Variants in CNTN5 observed in about 807,000 individuals in gnomAD.
CNTN5 encodes contactin-5.
In CNTN5, 77 loss-of-function variants were observed where a neutral mutation model predicts 129.1. That is an observed-to-expected ratio of 0.60 (90% confidence interval 0.50 to 0.72). The LOEUF (loss-of-function observed/expected upper bound fraction) is 0.72, where lower values mean the gene tolerates loss of function less well. CNTN5 is among the 30% of genes least tolerant of loss of function. The pLI is 0.00. For missense variants in CNTN5, 1,478 were observed against 1,328.8 expected (o/e 1.11, Z -1.75); for synonymous variants, 509 against 465.6 (o/e 1.09, Z -1.20).
chr11:99,196,639 G>GT (rs768825687), intron 1 of CNTN5, among the ~76,000 whole-genome samples: 166 of 151,788 alleles, frequency 1.1e-3, no homozygotes, highest in Non-Finnish European at 1.5e-3. Flanking sequence ...TATATGCAGT[G>GT]TTTTTTTCCT....
chr11:99,952,705 T>C (rs1026148720), intron 7 of CNTN5, among the ~76,000 whole-genome samples: 10 of 152,152 alleles, frequency 6.6e-5, no homozygotes, highest in African/African-American at 2.4e-4. Flanking sequence ...ACAAAAGTTA[T>C]ATTTTCATAA....
chr11:99,973,418 T>C (rs1317281201), intron 8 of CNTN5, among the ~76,000 whole-genome samples: 1 of 152,184 alleles, frequency 6.6e-6, no homozygotes, highest in Non-Finnish European at 1.5e-5. Context: ...GTGATAGTTG[T>C]TCTTTCCACT....
chr11:99,844,000 C>T (rs1212778652), intron 4 of CNTN5, among the ~76,000 whole-genome samples: 1 of 152,204 alleles, frequency 6.6e-6, no homozygotes, highest in Non-Finnish European at 1.5e-5. Context: ...ATTTCTCCAG[C>T]TGACTTGGTC....
At chr11:100,036,627 A>C (rs1419304941) in intron 9 of CNTN5, among the ~76,000 whole-genome samples, 2 of 149,696 alleles carry the variant, frequency 1.3e-5, no homozygotes, top group African/African-American at 4.9e-5. Flanking sequence ...ATTTGTTTGT[A>C]TCCTCTTTTA....
At chr11:99,333,957 T>TTCTC (rs1262163854) in intron 2 of CNTN5, among the ~76,000 whole-genome samples, 2 of 147,880 alleles carry the variant, frequency 1.4e-5, no homozygotes, top group Non-Finnish European at 3.0e-5. Flanking sequence ...CTCATCAACT[T>TTCTC]TCTCTCTCTC....
intron 1 of CNTN5, among the ~76,000 whole-genome samples, chr11:99,068,688 T>C (rs551183216): frequency 1.3e-5 from 2 of 152,212 alleles, no homozygotes; most frequent in Admixed American, 6.5e-5. Flanking sequence ...TAATTTTGGC[T>C]AGAAGCTCAC....
chr11:100,015,183 A>C (rs2137538848), intron 9 of CNTN5, among the ~76,000 whole-genome samples: 1 of 152,290 alleles, frequency 6.6e-6, no homozygotes, highest in African/African-American at 2.4e-5. Context: ...AAAAACGTAT[A>C]AGCCTGAGAC....
At chr11:100,128,289 A>G (rs1946261719) in intron 13 of CNTN5, among the ~76,000 whole-genome samples, 1 of 152,082 alleles carries the variant, frequency 6.6e-6, no homozygotes, top group Non-Finnish European at 1.5e-5. Flanking sequence ...TGCTTAAGCC[A>G]GAGATTTAAC....
At chr11:100,272,285 C>T (rs1025949886) in intron 18 of CNTN5, among the ~76,000 whole-genome samples, 93 of 152,200 alleles carry the variant, frequency 6.1e-4, no homozygotes, top group African/African-American at 1.8e-3. Context: ...TCCTTTATGT[C>T]CCCCTACACA....
rs192092091 is a variant in CNTN5 at position 100,229,852 on chromosome 11, G to C, written c.2005+5040G>C. ...ACACAAACATCTTTGGAGCATAGAG[G>C]TTGCGTAGTTTTCCTTTTCCACCAT... On this transcript the variant is annotated intron_variant, in intron 16 of 24. Transcript: ENST00000524871. Among the ~76,000 whole-genome samples the C allele has an allele frequency of 1.8e-3, 268 of 152,248 alleles. 4 individuals carry two copies. Among genetic ancestry groups the C allele is most frequent in the African/African-American group, 6.2e-3 (257 of 41,548 alleles).
At chr11:99,269,339 T>C (rs1253262871) in intron 1 of CNTN5, among the ~76,000 whole-genome samples, 1 of 151,382 alleles carries the variant, frequency 6.6e-6, no homozygotes, top group African/African-American at 2.4e-5. Flanking sequence ...ATATTTTTAT[T>C]TGTTCCCTGA....
At chr11:100,128,246 T>G (rs1946260512) in intron 13 of CNTN5, among the ~76,000 whole-genome samples, 1 of 152,126 alleles carries the variant, frequency 6.6e-6, no homozygotes, top group Non-Finnish European at 1.5e-5. Context: ...CCTTTTTTCC[T>G]GTCTCAGTAA....
intron 16 of CNTN5, among the ~76,000 whole-genome samples, chr11:100,247,789 T>C (rs1459805781): frequency 9.4e-6 from 1 of 106,110 alleles, no homozygotes; most frequent in African/African-American, 2.7e-5. Context: ...AATATTATTT[T>C]TTATTGAAAT....
chr11:99,265,345 T>C (rs1161340268), intron 1 of CNTN5, among the ~76,000 whole-genome samples: 1 of 152,048 alleles, frequency 6.6e-6, no homozygotes, highest in East Asian at 1.9e-4. Context: ...AGATTTATCA[T>C]TGTTATCATT....
intron 4 of CNTN5, among the ~76,000 whole-genome samples, chr11:99,820,059 T>C (rs531258036): frequency 6.6e-5 from 10 of 152,304 alleles, no homozygotes; most frequent in Admixed American, 2.0e-4. Flanking sequence ...ACCTGTTTCT[T>C]GATGGTTTCA....
chr11:99,198,084 T>A (rs1858994172), intron 1 of CNTN5, among the ~76,000 whole-genome samples: 1 of 152,110 alleles, frequency 6.6e-6, no homozygotes, highest in African/African-American at 2.4e-5. Flanking sequence ...GAGGATTTCT[T>A]CCCATGTCTA....
rs143107183 is a variant in CNTN5 at position 99,297,326 on chromosome 11, C to T, written c.-209-28020C>T. 2.0e-5 allele frequency among the ~76,000 whole-genome samples: 3 copies of T among 152,180 alleles called. No individual in the cohort carries two copies. In the East Asian group the frequency reaches 5.8e-4, roughly 30 times the overall value. ...TTCTCAGTAGCAAAGGGGTCTTTCC[C>T]AGCAGTCCCATCATCTCTCAAGTTT... On this transcript the variant is annotated intron_variant, in intron 1 of 24. Coordinates refer to ENST00000524871, the MANE Select transcript of CNTN5 (RefSeq NM_014361.4).
At chr11:99,358,944 T>C (rs1451826075) in intron 2 of CNTN5, among the ~76,000 whole-genome samples, 2 of 152,220 alleles carry the variant, frequency 1.3e-5, no homozygotes, top group Non-Finnish European at 2.9e-5. Context: ...ATTGGTCTGT[T>C]TATTCATTTA....
chr11:99,662,615 A>G (rs1449426743), intron 3 of CNTN5, among the ~76,000 whole-genome samples: 1 of 152,160 alleles, frequency 6.6e-6, no homozygotes, highest in African/African-American at 2.4e-5. Context: ...TGTAATAATG[A>G]CAGTAATAAA....
Sources: gnomAD v4.1 joint callset for allele counts (sites outside exome capture counted in the v4.1 genomes callset) on GRCh38, gnomAD v4.1.1 for gene constraint, MANE v1.5 for transcripts, NCBI Gene and HGNC (gene_info 2026-07-23, HGNC 2026-07-21) for gene names.